Variants in MAGI1 observed in about 807,000 individuals in gnomAD.
The protein encoded by MAGI1 is membrane associated guanylate kinase, WW and PDZ domain containing 1, also known as membrane-associated guanylate kinase, WW and PDZ domain-containing protein 1.
Under a neutral mutation model 139.9 loss-of-function variants are expected in MAGI1, and 58 were observed. The observed-to-expected ratio is 0.41, with a 90% confidence interval of 0.34 to 0.52. The LOEUF is 0.52. Ranked by LOEUF, MAGI1 falls within the 20% of genes least tolerant of loss-of-function variation. The pLI is 0.12. For synonymous variants in MAGI1, 812 were observed against 737.9 expected (o/e 1.10, Z -1.63); for missense variants, 1,874 against 1,901.6 (o/e 0.99, Z 0.27).
chr3:65,762,091 A>C (rs2037078223), intron 1 of MAGI1, among the ~76,000 whole-genome samples: 1 of 151,988 alleles, frequency 6.6e-6, no homozygotes, highest in Non-Finnish European at 1.5e-5. Context: ...ATGGTAACTC[A>C]CTATCCAGGG....
At chr3:65,497,346 A>G (rs1952530732) in intron 2 of MAGI1, among the ~76,000 whole-genome samples, 1 of 152,214 alleles carries the variant, frequency 6.6e-6, no homozygotes, top group South Asian at 2.1e-4. Context: ...AGCAGTAGCC[A>G]GCAAGATAGG....
chr3:65,812,137 T>C (rs2643724), intron 1 of MAGI1, among the ~76,000 whole-genome samples: 147,160 of 152,104 alleles, frequency 0.97, 71,341 homozygotes, highest in Non-Finnish European at 1. Context: ...TCTCAGGAAA[T>C]GCTTTTTCCC....
At chr3:65,811,807 G>C (rs1267899538) in intron 1 of MAGI1, among the ~76,000 whole-genome samples, 1 of 151,870 alleles carries the variant, frequency 6.6e-6, no homozygotes, top group Non-Finnish European at 1.5e-5. Context: ...TAACCCTGTA[G>C]CTTTATTATA....
intron 14 of MAGI1, among the ~76,000 whole-genome samples, chr3:65,383,926 T>C (rs763119016): frequency 2.6e-5 from 4 of 152,218 alleles, no homozygotes; most frequent in African/African-American, 7.2e-5. Context: ...TTCCTCAGTA[T>C]TCTTGCAAGG....
intron 3 of MAGI1, 32 bp from the exon 4 acceptor site, chr3:65,478,830 CA>C: frequency 6.6e-7 from 1 of 1,514,712 alleles, no homozygotes; most frequent in East Asian, 2.3e-5. Flanking sequence ...TTGCATGTTT[CA>C]AAAGGAATAC....
chr3:65,686,852 T>A (rs776015526), intron 1 of MAGI1, among the ~76,000 whole-genome samples: 3 of 152,366 alleles, frequency 2.0e-5, no homozygotes, highest in Non-Finnish European at 4.4e-5. Context: ...TAGAGGAAAC[T>A]GCTACTTTTT....
At chr3:65,440,746 C>A (rs983454653) in intron 8 of MAGI1, among the ~76,000 whole-genome samples, 3 of 151,786 alleles carry the variant, frequency 2.0e-5, no homozygotes, top group Non-Finnish European at 4.4e-5. Flanking sequence ...CTCAAAATGA[C>A]AAAGATCCAA....
chr3:65,374,719 T>C (rs926379114), intron 18 of MAGI1, among the ~76,000 whole-genome samples: 2 of 152,168 alleles, frequency 1.3e-5, no homozygotes, highest in Admixed American at 6.5e-5. Flanking sequence ...GTAGGATGTT[T>C]TGAAGCATGT....
chr3:65,506,168 T>C (rs2077279538), intron 2 of MAGI1, among the ~76,000 whole-genome samples: 1 of 152,178 alleles, frequency 6.6e-6, no homozygotes. Flanking sequence ...ATTTGCAAAC[T>C]GTGCAACCAT....
chr3:65,360,170 A>G, intron 22 of MAGI1: 1 of 979,944 alleles, frequency 1.0e-6, no homozygotes, highest in South Asian at 4.7e-5. Flanking sequence ...TAAACATCTC[A>G]TCAAGTCCAA....
chr3:66,018,123 G>T (rs535012906), intron 1 of MAGI1, among the ~76,000 whole-genome samples: 8 of 133,832 alleles, frequency 6.0e-5, no homozygotes, highest in Admixed American at 1.6e-4. Flanking sequence ...TGGGGGGGGG[G>T]GGTGTCTGCA....
At chr3:65,466,192 G>A (rs950064074) in intron 5 of MAGI1, among the ~76,000 whole-genome samples, 16 of 152,104 alleles carry the variant, frequency 1.1e-4, no homozygotes, top group Admixed American at 2.6e-4. Context: ...TGATGGCTGC[G>A]TTAAAATCTG....
chr3:66,013,351 A>G (rs1004162318), intron 1 of MAGI1, among the ~76,000 whole-genome samples: 3 of 151,582 alleles, frequency 2.0e-5, no homozygotes, highest in African/African-American at 2.4e-5. Context: ...TGCAGTGAGC[A>G]AAGATTGCAC....
chr3:65,533,584 A>G (rs955746542), intron 2 of MAGI1, among the ~76,000 whole-genome samples: 1 of 152,240 alleles, frequency 6.6e-6, no homozygotes, highest in African/African-American at 2.4e-5. Flanking sequence ...TCGGTGTACC[A>G]TGATCGCCTC....
intron 1 of MAGI1, among the ~76,000 whole-genome samples, chr3:65,624,531 T>TA (rs1202388722): frequency 2.0e-5 from 3 of 152,176 alleles, no homozygotes; most frequent in African/African-American, 4.8e-5. Context: ...AGATAAAATA[T>TA]TGCATGATTT....
chr3:65,525,365 A>G (rs1455585114), intron 2 of MAGI1, among the ~76,000 whole-genome samples: 1 of 152,200 alleles, frequency 6.6e-6, no homozygotes, highest in African/African-American at 2.4e-5. Context: ...ATTTGTAGCC[A>G]AACACATTGT....
intron 1 of MAGI1, among the ~76,000 whole-genome samples, chr3:65,922,974 T>C (rs2062292664): frequency 6.6e-6 from 1 of 152,216 alleles, no homozygotes; most frequent in Middle Eastern, 3.2e-3. Context: ...AACATCTGGC[T>C]ATGCTGAACA....
At chr3:65,771,212 C>A (rs1040962731) in intron 1 of MAGI1, among the ~76,000 whole-genome samples, 1 of 151,550 alleles carries the variant, frequency 6.6e-6, no homozygotes, top group Non-Finnish European at 1.5e-5. Context: ...GAGGCTAAGG[C>A]AGAAGAATCG....
At chr3:65,705,243 G>T (rs559983322) in intron 1 of MAGI1, among the ~76,000 whole-genome samples, 11 of 152,268 alleles carry the variant, frequency 7.2e-5, no homozygotes, top group Non-Finnish European at 1.6e-4. Flanking sequence ...TTCAGAGTAT[G>T]TTAGCTTAAC....
Sources: allele counts gnomAD v4.1 joint callset (sites outside exome capture counted in the v4.1 genomes callset), GRCh38; gene constraint gnomAD v4.1.1; transcripts MANE v1.5; gene names NCBI Gene and HGNC (gene_info 2026-07-23, HGNC 2026-07-21).